The following DGKD variants were observed in gnomAD, a reference collection of about 807,000 sequenced individuals.
DGKD encodes the protein diacylglycerol kinase delta.
A neutral mutation model predicts 154.4 loss-of-function variants in DGKD; 68 were observed. The ratio of observed to expected loss-of-function variants is 0.44; its 90% CI spans 0.36 to 0.54. The LOEUF (loss-of-function observed/expected upper bound fraction) is 0.54, where lower values mean the gene tolerates loss of function less well. Among genes scored for constraint, DGKD ranks in the 20% least tolerant of loss-of-function variants. DGKD has a pLI of 0.00. For missense variants in DGKD, 1,343 were observed against 1,593.6 expected (o/e 0.84, Z 2.68); for synonymous variants, 693 against 638.0 (o/e 1.09, Z -1.30).
rs140231236 is a variant in DGKD, at chr2:233,362,731, C to T, written c.156+8057C>T. Among the ~76,000 whole-genome samples, 394 of 152,296 alleles carry T rather than the reference C, an allele frequency of 2.6e-3. 2 individuals are homozygous for T. Among genetic ancestry groups the T allele is most frequent in the South Asian group, 0.012 (60 of 4,828 alleles). On this transcript the variant is annotated intron_variant, in intron 1 of 29. Transcript: ENST00000264057. The stretch of plus-strand genomic sequence containing the variant: ...CAGGTACCATGAACAGATTCGATAG[C>T]CGTATGAACTGAAAGAACCATATCT...
Position 233,458,293 on chromosome 2 carries a change from G to A in DGKD, c.2590G>A (p.Ala864Thr). 2 of 1,611,928 alleles carry A rather than the reference G, an allele frequency of 1.2e-6. No individual in the cohort carries two copies. The highest frequency in any genetic ancestry group is 1.7e-6 in the Non-Finnish European group (2 of 1,178,900). ...AACGTGTCCCTTGCAGACTTTCGCA[G>A]CTCCATCATTCGATGACAAGATTCT... Reference protein sequence around the residue: ...GGTKEDDTFAAPSFDDKILEV... With the variant: ...GGTKEDDTFATPSFDDKILEV... Residue 864 changes from alanine (A) to threonine (T), a missense_variant, in exon 22 of 30, where the codon GCT becomes ACT. Ala to Thr is a moderately conservative substitution (Grantham distance 58, BLOSUM62 0). Coordinates refer to ENST00000264057, the MANE Select transcript of DGKD (RefSeq NM_152879.3). The surrounding 1 kb of genome is among the most constrained non-coding windows in gnomAD (Gnocchi z 6.6).
intron 3 of DGKD, among the ~76,000 whole-genome samples, chr2:233,416,222 A>G (rs2061957757): frequency 6.6e-6 from 1 of 152,212 alleles, no homozygotes; most frequent in Admixed American, 6.5e-5. Flanking sequence ...ATGCCCTTTT[A>G]TAAATTACTT....
At chr2:233,446,675 C>T (rs770218281) in intron 11 of DGKD, 37 bp from the exon 12 acceptor site, 45 of 1,605,574 alleles carry the variant, frequency 2.8e-5, no homozygotes, top group South Asian at 7.7e-5. Context: ...TGGGCCTGCA[C>T]GTCTTGCCGC....
At chr2:233,390,617 G>T in intron 3 of DGKD, 134 bp downstream of exon 3, 1 of 665,632 alleles carries the variant, frequency 1.5e-6, no homozygotes, top group Non-Finnish European at 2.5e-6. Context: ...GGTAAAATTT[G>T]AATTTAATGC....
At chr2:233,448,225 C>A (rs2124850900) in intron 13 of DGKD, 44 bp downstream of exon 13, 1 of 1,614,014 alleles carries the variant, frequency 6.2e-7, no homozygotes, top group East Asian at 2.2e-5. Flanking sequence ...GCCCTGGCCC[C>A]CAGCCTGGAG....
rs1395333908 is a variant in DGKD at position 233,463,276 on chromosome 2, G to A, written c.3186+541G>A. Among the ~76,000 whole-genome samples, 6 of 151,976 alleles carry A rather than the reference G, an allele frequency of 3.9e-5. No homozygotes were observed. In the East Asian group the frequency reaches 9.7e-4, roughly 25 times the overall value. On this transcript the variant is annotated intron_variant, in intron 26 of 29. Coordinates refer to ENST00000264057, the MANE Select transcript of DGKD (RefSeq NM_152879.3). The stretch of plus-strand genomic sequence containing the variant: ...CACGCCACTCACCTCCTCACTGCAC[G>A]CGTCTCCTCACTGCACGCATCACCT...
chr2:233,403,089 C>G (rs1345766984), intron 3 of DGKD, among the ~76,000 whole-genome samples: 1 of 152,010 alleles, frequency 6.6e-6, no homozygotes, highest in Non-Finnish European at 1.5e-5. Flanking sequence ...GCAGAGAGGA[C>G]TGGGGAAGAG....
At chr2:233,381,601 A>G (rs1430144717) in intron 1 of DGKD, among the ~76,000 whole-genome samples, 1 of 152,218 alleles carries the variant, frequency 6.6e-6, no homozygotes, top group East Asian at 1.9e-4. Context: ...TGGCTGTGGT[A>G]TGTGTGAAGA....
At chr2:233,390,584 T>C in intron 3 of DGKD, 101 bp downstream of exon 3, 1 of 805,240 alleles carries the variant, frequency 1.2e-6, no homozygotes, top group South Asian at 1.7e-5. Flanking sequence ...TTCATTCTTT[T>C]CTTACTGATT....
intron 10 of DGKD, among the ~76,000 whole-genome samples, chr2:233,443,657 G>A (rs968715146): frequency 6.6e-6 from 1 of 152,254 alleles, no homozygotes; most frequent in Non-Finnish European, 1.5e-5. Context: ...TCACTTGGTA[G>A]TATTTCCAGG....
intron 3 of DGKD, among the ~76,000 whole-genome samples, chr2:233,431,688 T>C (rs2062517437): frequency 6.6e-6 from 1 of 152,198 alleles, no homozygotes; most frequent in Non-Finnish European, 1.5e-5. Context: ...AGTGAACACA[T>C]TTTTGACAAA....
intron 1 of DGKD, among the ~76,000 whole-genome samples, chr2:233,368,663 G>A (rs1425876551): frequency 6.6e-6 from 1 of 152,132 alleles, no homozygotes; most frequent in Admixed American, 6.5e-5. Context: ...AGAGGCAAAT[G>A]TTTCTCTCCC....
chr2:233,394,408 A>G (rs1425816707), intron 3 of DGKD, among the ~76,000 whole-genome samples: 1 of 151,662 alleles, frequency 6.6e-6, no homozygotes, highest in Non-Finnish European at 1.5e-5. Flanking sequence ...ATGCCTGGCT[A>G]ATTTTTACAT....
rs1489011657 is a variant in DGKD, at chr2:233,354,745, C to T, written c.156+71C>T. The T allele has an allele frequency of 1.6e-5, 15 of 917,982 alleles. No individual in the cohort carries two copies. The highest frequency in any genetic ancestry group is 5.5e-4 in the Middle Eastern group (1 of 1,810). 56.9% of individuals were successfully genotyped at this position (917,982 alleles called of 1,614,324 possible). ...GGCAGCCCCGGCCGAGGCCCGTGGC[C>T]CTGCCCGAGCGGCCGCCCAGGCCCG... On this transcript the variant is annotated intron_variant, in intron 1 of 29. Coordinates refer to ENST00000264057, the MANE Select transcript of DGKD (RefSeq NM_152879.3). This position sits in a 1 kb window ranked among gnomAD's most constrained non-coding sequence, Gnocchi z 4.8.
chr2:233,390,807 C>T (rs1703551141), intron 3 of DGKD, among the ~76,000 whole-genome samples: 1 of 152,160 alleles, frequency 6.6e-6, no homozygotes, highest in Non-Finnish European at 1.5e-5. Flanking sequence ...ATCTCCAGCT[C>T]ACAGCAACTT....
intron 19 of DGKD, among the ~76,000 whole-genome samples, chr2:233,455,725 G>A (rs111714323): frequency 1.6e-4 from 25 of 152,364 alleles, no homozygotes; most frequent in African/African-American, 5.8e-4. Context: ...CTGTGGCCTC[G>A]CCCTCCTCAT....
intron 5 of DGKD, among the ~76,000 whole-genome samples, chr2:233,435,179 G>C (rs1214883214): frequency 1.3e-5 from 2 of 152,212 alleles, no homozygotes; most frequent in Non-Finnish European, 2.9e-5. Context: ...GGCACTGAAG[G>C]AACAGTGGTC....
In DGKD at chr2:233,448,339, C is replaced by T. The variant is rs148552169; in HGVS notation, c.1578C>T (p.Thr526=). ...ARVGKAYEKT[T]ESSEESEVMA... ...TGGGGAAGGCCTATGAGAAGACGAC[C>T]GAGAGCTCGGAGGAGTCAGAGGTCA... Residue 526 remains threonine (T), a synonymous_variant, in exon 14 of 30, where the codon ACC becomes ACT. Coordinates refer to ENST00000264057, the MANE Select transcript of DGKD (RefSeq NM_152879.3). The T allele has an allele frequency of 3.5e-5, 57 of 1,613,956 alleles. No homozygotes were observed. Among genetic ancestry groups the T allele is most frequent in the Non-Finnish European group, 4.3e-5 (51 of 1,180,008 alleles).
At chr2:233,391,404 GT>G (rs201912382) in intron 3 of DGKD, among the ~76,000 whole-genome samples, 46 of 143,624 alleles carry the variant, frequency 3.2e-4, no homozygotes, top group Admixed American at 1.1e-3. Flanking sequence ...TTACACCTGT[GT>G]TTTTTTCCCC....
Sources: gnomAD v4.1 joint callset for allele counts (sites outside exome capture counted in the v4.1 genomes callset) on GRCh38, gnomAD v4.1.1 for gene constraint, Gnocchi (gnomAD v3.1) non-coding constraint, MANE v1.5 for transcripts, NCBI Gene and HGNC (gene_info 2026-07-23, HGNC 2026-07-21) for gene names.